Variants in CSDE1 observed in about 807,000 individuals in gnomAD.
CSDE1 encodes cold shock domain containing E1.
CSDE1 carries 17 observed loss-of-function variants against 89.3 expected under a neutral mutation model. The observed-to-expected ratio is 0.19, with a 90% CI of 0.13 to 0.29. The LOEUF is 0.29. CSDE1 is among the 10% of genes least tolerant of loss of function. CSDE1 has a pLI of 1.00. For missense variants in CSDE1, 672 were observed against 984.2 expected (o/e 0.68, Z 4.24); for synonymous variants, 322 against 332.8 (o/e 0.97, Z 0.35).
Position 114,749,824 on chromosome 1 carries a change from G to A in CSDE1, c.-4C>T, listed in dbSNP as rs1661214027. Reference sequence around the variant, plus strand: ...TAATAGGAAATTACAAACCTACCTCGCAGTGATACTCAAATATTGCACTTT... The same window carrying A: ...TAATAGGAAATTACAAACCTACCTCACAGTGATACTCAAATATTGCACTTT... On this transcript the variant is annotated 5_prime_UTR_variant, in exon 2 of 20. Transcript: ENST00000358528. 1.3e-5 allele frequency: 2 copies of A among 152,448 alleles called. No individual in the cohort carries two copies. The highest frequency in any genetic ancestry group is 1.5e-5 in the Non-Finnish European group (1 of 68,008). 9.4% of individuals were successfully genotyped at this position (152,448 alleles called of 1,614,324 possible).
At chr1:114,724,950 T>C (rs1295920902) in intron 15 of CSDE1, among the ~76,000 whole-genome samples, 1 of 152,198 alleles carries the variant, frequency 6.6e-6, no homozygotes, top group Admixed American at 6.5e-5. Context: ...TTTCCTAAAA[T>C]ATCTAGGCCA....
intron 2 of CSDE1, chr1:114,748,187 T>C (rs1467150707): frequency 6.6e-6 from 1 of 152,234 alleles, no homozygotes; most frequent in African/African-American, 2.4e-5. Context: ...AAGCGCTTCT[T>C]GAAATAGCAG....
intron 2 of CSDE1, among the ~76,000 whole-genome samples, chr1:114,749,610 G>A (rs1377381921): frequency 6.6e-6 from 1 of 152,180 alleles, no homozygotes; most frequent in Non-Finnish European, 1.5e-5. Flanking sequence ...AGATCAGCAT[G>A]TATTAATATA....
chr1:114,740,698 C>T (rs1318884632), intron 2 of CSDE1, among the ~76,000 whole-genome samples: 1 of 152,168 alleles, frequency 6.6e-6, no homozygotes. Flanking sequence ...TCATAAAATA[C>T]TATCACATTG....
chr1:114,720,566 C>T lies in CSDE1; in HGVS notation c.2025G>A (p.Arg675=). The change falls in exon 17 of 20, where the codon AGG becomes AGA. Residue 675 remains arginine (R), a synonymous_variant. Coordinates refer to ENST00000358528, the MANE Select transcript of CSDE1 (RefSeq NM_001007553.3). The part of the protein sequence containing the change: ...TMAYNITPLR[R]ATVECVKDQF... ...GATCTTTCACACATTCCACTGTGGCCCTGCGCAGGGGTGTGATGTTGTAAG... is the reference window on the plus strand; with the variant it reads ...GATCTTTCACACATTCCACTGTGGCTCTGCGCAGGGGTGTGATGTTGTAAG... The T allele has an allele frequency of 6.2e-7, 1 of 1,613,820 alleles. No homozygotes were observed. Among genetic ancestry groups the T allele is most frequent in the Non-Finnish European group, 8.5e-7 (1 of 1,179,850 alleles).
rs1241777908 is a variant in CSDE1, at chr1:114,738,020, A to G, written c.252T>C (p.Ala84=). ...SSDRRTGKPI[A]VKLVKIKQEI... ...CTTGTTTTATCTTCACCAGTTTAAC[A>G]GCAATGGGTTTCCCAGTCCGTCGGT... Residue 84 remains alanine, a synonymous_variant, in exon 4 of 20, where the codon GCT becomes GCC. Coordinates refer to ENST00000358528, the MANE Select transcript of CSDE1 (RefSeq NM_001007553.3). The G allele has an allele frequency of 1.9e-6, 3 of 1,614,126 alleles. No homozygotes were observed. Among genetic ancestry groups the G allele is most frequent in the Non-Finnish European group, 2.5e-6 (3 of 1,179,944 alleles).
intron 5 of CSDE1, among the ~76,000 whole-genome samples, 179 bp downstream of exon 5, chr1:114,737,292 G>C (rs1261701721): frequency 6.6e-6 from 1 of 152,052 alleles, no homozygotes; most frequent in Non-Finnish European, 1.5e-5. Flanking sequence ...ACACTTGGAA[G>C]TCCTATGGAA....
chr1:114,741,829 A>C (rs979058889), intron 2 of CSDE1, among the ~76,000 whole-genome samples: 1 of 152,194 alleles, frequency 6.6e-6, no homozygotes, highest in Non-Finnish European at 1.5e-5. Flanking sequence ...TAAAAGGTGA[A>C]ATGTATTTTT....
intron 2 of CSDE1, chr1:114,748,356 T>C (rs575401036): frequency 6.6e-6 from 1 of 152,340 alleles, no homozygotes; most frequent in East Asian, 1.9e-4. Flanking sequence ...CTTCCTTTTA[T>C]TACCTATACA....
intron 2 of CSDE1, among the ~76,000 whole-genome samples, chr1:114,740,757 A>G (rs1368317085): frequency 6.6e-6 from 1 of 152,224 alleles, no homozygotes; most frequent in Non-Finnish European, 1.5e-5. Flanking sequence ...CTATAAGTGA[A>G]GCACAAAACA....
chr1:114,734,378 G>T, intron 7 of CSDE1, 64 bp downstream of exon 7: 1 of 1,370,696 alleles, frequency 7.3e-7, no homozygotes, highest in South Asian at 1.3e-5. Flanking sequence ...ACAAAGGCTG[G>T]AGTTTGAAGT....
At position 114,738,037 on chromosome 1, in the gene CSDE1, T is replaced by A; in HGVS notation, c.235A>T (p.Thr79Ser). The A allele has an allele frequency of 6.2e-7, 1 of 1,614,006 alleles. No homozygotes were observed. Among genetic ancestry groups the A allele is most frequent in the Non-Finnish European group, 8.5e-7 (1 of 1,179,850 alleles). Residue 79 changes from threonine (T) to serine (S), a missense_variant, in exon 4 of 20, where the codon ACT becomes TCT. Physicochemically the swap from Thr to Ser is moderately conservative, Grantham distance 58. This residue lies in a region of CSDE1 where 34 missense variants were observed against 73.3 expected (regional missense o/e 0.46). Transcript: ENST00000358528. ...AGTTTAACAGCAATGGGTTTCCCAG[T>A]CCGTCGGTCCGATGATACTTCAAAT... The part of the protein sequence containing the change: ...VEFEVSSDRR[T>S]GKPIAVKLVK...
chr1:114,729,076 T>C (rs1659957385), intron 12 of CSDE1, among the ~76,000 whole-genome samples: 1 of 152,164 alleles, frequency 6.6e-6, no homozygotes, highest in Non-Finnish European at 1.5e-5. Flanking sequence ...AAAAGAAATC[T>C]TTTCCTTGAA....
intron 9 of CSDE1, among the ~76,000 whole-genome samples, 157 bp from the exon 10 acceptor site, chr1:114,732,973 T>C (rs1284398654): frequency 1.3e-5 from 2 of 152,218 alleles, no homozygotes; most frequent in Non-Finnish European, 2.9e-5. Context: ...GAAAGCTTCA[T>C]GGTCTATGGT....
At chr1:114,747,880 T>G (rs991977446) in intron 2 of CSDE1, among the ~76,000 whole-genome samples, 1 of 151,974 alleles carries the variant, frequency 6.6e-6, no homozygotes, top group African/African-American at 2.4e-5. Flanking sequence ...AAAAAAAATC[T>G]AATCTTTTAT....
chr1:114,736,343 C>T (rs780018923), intron 6 of CSDE1, among the ~76,000 whole-genome samples: 1 of 152,130 alleles, frequency 6.6e-6, no homozygotes, highest in Non-Finnish European at 1.5e-5. Flanking sequence ...ACGCAGATTC[C>T]TACATAGAAG....
intron 1 of CSDE1, among the ~76,000 whole-genome samples, chr1:114,756,216 C>A (rs568229913): frequency 1.3e-5 from 2 of 152,320 alleles, no homozygotes; most frequent in African/African-American, 4.8e-5. Flanking sequence ...GCCTCAAATA[C>A]TTTAGTTTTC....
In CSDE1 at chr1:114,750,017, A is replaced by G. The variant is rs1309412338; in HGVS notation, c.-197T>C. ...AGCACTGAAGAAAACAAAGACTACT[A>G]GCAGCGTTGGGAAGTGCTCTTTCAA... On this transcript the variant is annotated 5_prime_UTR_variant, in exon 2 of 20. Transcript: ENST00000358528. 6.5e-6 allele frequency: 1 copy of G among 152,680 alleles called. No individual in the cohort carries two copies. The highest frequency in any genetic ancestry group is 1.5e-5 in the Non-Finnish European group (1 of 68,048). The allele number at this position is 152,680 out of a possible 1,614,324, so 9.5% of individuals were successfully genotyped here. A position where few individuals can be genotyped will look rare whatever the true frequency, so the allele number is the denominator to read the frequency against.
At chr1:114,719,266 G>A (rs564129628) in intron 18 of CSDE1, among the ~76,000 whole-genome samples, 49 of 152,300 alleles carry the variant, frequency 3.2e-4, no homozygotes, top group Admixed American at 1.1e-3. Flanking sequence ...TCGTGATAGC[G>A]CCTGGGTAAC....
Sources: gnomAD v4.1 joint callset for allele counts (sites outside exome capture counted in the v4.1 genomes callset) on GRCh38, gnomAD v4.1.1 for gene constraint, gnomAD v4.1.1 regional missense constraint, MANE v1.5 for transcripts, NCBI Gene and HGNC (gene_info 2026-07-23, HGNC 2026-07-21) for gene names.